CDK14: variants seen among roughly 807,000 people sequenced by gnomAD.
The protein encoded by CDK14 is cyclin dependent kinase 14.
A neutral mutation model predicts 60.7 loss-of-function variants in CDK14; 34 were observed. The ratio of observed to expected loss-of-function variants is 0.56; its 90% CI spans 0.43 to 0.75. CDK14 has a LOEUF of 0.75. Ranked by LOEUF, CDK14 falls within the 30% of genes least tolerant of loss-of-function variation. The pLI is 0.00. For missense variants in CDK14, 482 were observed against 564.1 expected (o/e 0.85, Z 1.47); for synonymous variants, 197 against 203.7 (o/e 0.97, Z 0.28).
In CDK14 at chr7:90,604,243, T is replaced by C; in HGVS notation, c.117T>C (p.Phe39=). Residue 39 remains phenylalanine, a synonymous_variant, in exon 2 of 15, where the codon TTT becomes TTC. Transcript: ENST00000380050. ...CTTTGAAGAAAGATGACACCACCTT[T>C]GATGAGGTAGGTTAAATTTCTTTAT... ...RIALKKDDTT[F]DEICVTKMST... is the part of the protein sequence containing the mutation. The C allele has an allele frequency of 1.3e-6, 2 of 1,538,522 alleles. No homozygotes were observed. The highest frequency in any genetic ancestry group is 1.8e-6 in the Non-Finnish European group (2 of 1,134,260).
At chr7:90,966,368 G>A (rs557865272) in intron 9 of CDK14, among the ~76,000 whole-genome samples, 28 of 152,150 alleles carry the variant, frequency 1.8e-4, no homozygotes, top group Admixed American at 5.9e-4. Context: ...ACTTAGAAGG[G>A]CCCAATTAAC....
At chr7:90,944,104 C>T (rs1468728781) in intron 8 of CDK14, among the ~76,000 whole-genome samples, 3 of 152,196 alleles carry the variant, frequency 2.0e-5, no homozygotes, top group Non-Finnish European at 4.4e-5. Flanking sequence ...TTCCACTTCT[C>T]TACAACATGA....
At chr7:90,738,332 G>T (rs1803204822) in intron 3 of CDK14, among the ~76,000 whole-genome samples, 1 of 152,238 alleles carries the variant, frequency 6.6e-6, no homozygotes, top group Non-Finnish European at 1.5e-5. Flanking sequence ...CATATAAAAT[G>T]ATTAGCTTAA....
intron 10 of CDK14, among the ~76,000 whole-genome samples, chr7:91,010,630 TG>T (rs911090001): frequency 1.3e-5 from 2 of 152,076 alleles, no homozygotes; most frequent in African/African-American, 2.4e-5. Context: ...TTATTCTAGT[TG>T]TTTTTTTGGT....
chr7:91,136,135 G>A (rs757078437), intron 14 of CDK14, among the ~76,000 whole-genome samples: 5 of 152,096 alleles, frequency 3.3e-5, no homozygotes, highest in Non-Finnish European at 5.9e-5. Flanking sequence ...AATTATTCTG[G>A]CAGTTCAAGT....
At chr7:90,675,479 TATC>T (rs1174999200) in intron 2 of CDK14, among the ~76,000 whole-genome samples, 1 of 152,176 alleles carries the variant, frequency 6.6e-6, no homozygotes, top group African/African-American at 2.4e-5. Flanking sequence ...AATTGCAAAG[TATC>T]ATCAACAGTT....
chr7:91,141,669 G>A (rs941069852), intron 14 of CDK14, among the ~76,000 whole-genome samples: 1 of 151,984 alleles, frequency 6.6e-6, no homozygotes, highest in Non-Finnish European at 1.5e-5. Flanking sequence ...CCATGATGCC[G>A]AGCCAGGGCA....
intron 2 of CDK14, chr7:90,710,270 GTCT>G (rs1242325045): frequency 1.0e-6 from 1 of 985,134 alleles, no homozygotes; most frequent in African/African-American, 1.7e-5. Context: ...CCATATCTGA[GTCT>G]TATTCCTTCT....
At chr7:91,037,324 T>G in intron 10 of CDK14, among the ~76,000 whole-genome samples, 1 of 152,148 alleles carries the variant, frequency 6.6e-6, no homozygotes, top group East Asian at 1.9e-4. Flanking sequence ...CTGATAAAAA[T>G]CCTGAAGAGG....
intron 6 of CDK14, among the ~76,000 whole-genome samples, chr7:90,874,779 C>T (rs577133921): frequency 2.0e-5 from 3 of 151,612 alleles, no homozygotes; most frequent in Non-Finnish European, 4.4e-5. Context: ...CCATCCGCCT[C>T]GGCCTCCCAA....
At chr7:91,154,030 C>T (rs2115702714) in intron 14 of CDK14, among the ~76,000 whole-genome samples, 1 of 152,206 alleles carries the variant, frequency 6.6e-6, no homozygotes, top group South Asian at 2.1e-4. Flanking sequence ...TAAATATGTT[C>T]ATTGAAAAAT....
At chr7:91,015,667 A>G (rs892450819) in intron 10 of CDK14, among the ~76,000 whole-genome samples, 6 of 151,292 alleles carry the variant, frequency 4.0e-5, no homozygotes, top group Admixed American at 2.0e-4. Flanking sequence ...AACTGGGACT[A>G]CAGGCACCCG....
intron 14 of CDK14, among the ~76,000 whole-genome samples, chr7:91,162,432 G>T (rs1801195927): frequency 6.6e-6 from 1 of 152,182 alleles, no homozygotes; most frequent in Non-Finnish European, 1.5e-5. Context: ...CCTGGAGAGC[G>T]GTCAGTTCTG....
chr7:90,829,581 G>T (rs952622822), intron 5 of CDK14, among the ~76,000 whole-genome samples: 3 of 152,036 alleles, frequency 2.0e-5, no homozygotes, highest in African/African-American at 7.2e-5. Flanking sequence ...GCCTAAACTG[G>T]AGTGCAGTGG....
At chr7:90,791,903 CT>C (rs112725000) in intron 5 of CDK14, among the ~76,000 whole-genome samples, 11 of 141,722 alleles carry the variant, frequency 7.8e-5, no homozygotes, top group African/African-American at 1.8e-4. Context: ...GAAAGGGCTT[CT>C]TTTTTTTTTT....
Position 90,747,756 on chromosome 7 carries a change from G to A in CDK14, c.445G>A (p.Val149Ile), listed in dbSNP as rs1249813063. Residue 149 changes from valine to isoleucine, a missense_variant, in exon 4 of 15, where the codon GTA becomes ATA. Val to Ile is a conservative substitution (Grantham distance 29). Coordinates refer to ENST00000380050, the MANE Select transcript of CDK14 (RefSeq NM_001287135.2). Reference protein sequence around the residue: ...EKLGEGSYATVYKGKSKVNGK... With the variant: ...EKLGEGSYATIYKGKSKVNGK... The stretch of plus-strand genomic sequence containing the variant: ...ACTAGGGGAAGGATCTTATGCTACA[G>A]TATACAAAGGGAAAAGCAAGTAAGT... 2 of 1,576,614 alleles carry A rather than the reference G, an allele frequency of 1.3e-6. No homozygotes were observed. The highest frequency in any genetic ancestry group is 1.4e-5 in the African/African-American group (1 of 72,510).
At chr7:91,081,387 A>G (rs934919799) in intron 12 of CDK14, among the ~76,000 whole-genome samples, 2 of 152,208 alleles carry the variant, frequency 1.3e-5, no homozygotes, top group African/African-American at 4.8e-5. Context: ...CACAATTACT[A>G]AACTGAAGCA....
intron 2 of CDK14, among the ~76,000 whole-genome samples, chr7:90,668,723 T>TCAACTGGGGCC (rs1801037421): frequency 1.2e-5 from 1 of 86,252 alleles, no homozygotes; most frequent in African/African-American, 4.6e-5. Context: ...TTTTTTTTTT[T>TCAACTGGGGCC]TTTCAACTGG....
Position 91,207,336 on chromosome 7 carries a change from G to A in CDK14, c.*200G>A, listed in dbSNP as rs765736213. ...CTGCAATTTATTTAAAACCTTGCAC[G>A]CATTTGGATACCTTGTGATTTCCAA... On this transcript the variant is annotated 3_prime_UTR_variant, in exon 15 of 15. Transcript: ENST00000380050. 6.6e-6 allele frequency: 1 copy of A among 152,256 alleles called. No homozygotes were observed. The highest frequency in any genetic ancestry group is 1.9e-4 in the East Asian group (1 of 5,198). 9.4% of individuals were successfully genotyped at this position (152,256 alleles called of 1,614,324 possible).
Sources: gnomAD v4.1 joint callset for allele counts (sites outside exome capture counted in the v4.1 genomes callset) on GRCh38, gnomAD v4.1.1 for gene constraint, MANE v1.5 for transcripts, NCBI Gene and HGNC (gene_info 2026-07-23, HGNC 2026-07-21) for gene names.